The following AKAP6 variants were observed in gnomAD, a reference collection of about 807,000 sequenced individuals.
AKAP6 encodes the protein A-kinase anchor protein 6.
Under a neutral mutation model 188.5 loss-of-function variants are expected in AKAP6, and 58 were observed. The ratio of observed to expected loss-of-function variants is 0.31; its 90% CI spans 0.25 to 0.38. The LOEUF (loss-of-function observed/expected upper bound fraction) is 0.38, where lower values mean the gene tolerates loss of function less well. Ranked by LOEUF, AKAP6 falls within the 10% of genes least tolerant of loss-of-function variation. The pLI, the probability that AKAP6 is intolerant of heterozygous loss-of-function variation, is 1.00. For missense variants in AKAP6, 2,710 were observed against 2,740.0 expected (o/e 0.99, Z 0.24); for synonymous variants, 989 against 998.6 (o/e 0.99, Z 0.18).
chr14:32,811,740 C>T (rs117859278), intron 12 of AKAP6, among the ~76,000 whole-genome samples: 138 of 152,220 alleles, frequency 9.1e-4, no homozygotes, highest in Non-Finnish European at 1.7e-3. Flanking sequence ...GTAAAGGGCA[C>T]GGTTCCTAAA....
chr14:32,369,636 C>T (rs1887944984), intron 1 of AKAP6, among the ~76,000 whole-genome samples: 1 of 152,320 alleles, frequency 6.6e-6, no homozygotes, highest in African/African-American at 2.4e-5. Flanking sequence ...ATCTTTTCCT[C>T]AACAGGTGAG....
chr14:32,502,147 A>G (rs1880638545), intron 2 of AKAP6, among the ~76,000 whole-genome samples: 1 of 152,156 alleles, frequency 6.6e-6, no homozygotes, highest in African/African-American at 2.4e-5. Flanking sequence ...TGTTCAATTG[A>G]AGTTTTTAGC....
intron 12 of AKAP6, among the ~76,000 whole-genome samples, chr14:32,806,086 G>A (rs562821488): frequency 5.8e-4 from 89 of 152,278 alleles, no homozygotes; most frequent in Admixed American, 2.7e-3. Context: ...TCCATGGATT[G>A]AAAGGAACTG....
intron 2 of AKAP6, among the ~76,000 whole-genome samples, chr14:32,491,682 C>T (rs1566536435): frequency 6.6e-6 from 1 of 152,148 alleles, no homozygotes; most frequent in Non-Finnish European, 1.5e-5. Flanking sequence ...AGAATATTTC[C>T]AACTCCAGTG....
intron 1 of AKAP6, among the ~76,000 whole-genome samples, chr14:32,410,551 C>CA (rs2138645992): frequency 6.6e-6 from 1 of 152,266 alleles, no homozygotes; most frequent in East Asian, 1.9e-4. Context: ...AGGGCTGTGT[C>CA]ACAGGCCATG....
chr14:32,692,112 A>G (rs984386431), intron 8 of AKAP6, among the ~76,000 whole-genome samples: 1 of 152,244 alleles, frequency 6.6e-6, no homozygotes, highest in African/African-American at 2.4e-5. Context: ...TCAAGTCTAA[A>G]TATTCTCAGC....
chr14:32,608,145 A>G (rs180886296), intron 7 of AKAP6, among the ~76,000 whole-genome samples: 2 of 152,262 alleles, frequency 1.3e-5, no homozygotes, highest in East Asian at 1.9e-4. Context: ...ACTGAAAAAA[A>G]TGGTTGGGAA....
intron 5 of AKAP6, 25 bp from the exon 6 acceptor site, chr14:32,599,385 T>G: frequency 1.3e-6 from 2 of 1,594,930 alleles, no homozygotes; most frequent in Non-Finnish European, 1.7e-6. Context: ...TTGCCAGGGT[T>G]TAATGTTCAT....
At chr14:32,799,228 T>G (rs1469816489) in intron 12 of AKAP6, among the ~76,000 whole-genome samples, 2 of 152,192 alleles carry the variant, frequency 1.3e-5, no homozygotes, top group East Asian at 3.9e-4. Context: ...CTAAACCAGT[T>G]GAATTATTCT....
intron 11 of AKAP6, among the ~76,000 whole-genome samples, chr14:32,753,476 T>C (rs1167321580): frequency 6.6e-6 from 1 of 152,194 alleles, no homozygotes; most frequent in African/African-American, 2.4e-5. Context: ...GTAGGTTGTC[T>C]TTTCACTCTG....
chr14:32,412,151 A>AC (rs1339871716), intron 1 of AKAP6, among the ~76,000 whole-genome samples: 5 of 152,052 alleles, frequency 3.3e-5, no homozygotes, highest in African/African-American at 1.2e-4. Context: ...ACTATTTCAC[A>AC]CCCTCTTATT....
At chr14:32,559,387 A>G (rs1883830570) in intron 4 of AKAP6, among the ~76,000 whole-genome samples, 1 of 152,230 alleles carries the variant, frequency 6.6e-6, no homozygotes, top group African/African-American at 2.4e-5. Flanking sequence ...AAAAGAAGGA[A>G]GAAATCTGGG....
intron 1 of AKAP6, among the ~76,000 whole-genome samples, chr14:32,338,492 A>G (rs1311640849): frequency 6.6e-6 from 1 of 152,138 alleles, no homozygotes; most frequent in Non-Finnish European, 1.5e-5. Flanking sequence ...TTATACATAT[A>G]TATATATAGA....
At chr14:32,452,388 A>G (rs971915364) in intron 2 of AKAP6, among the ~76,000 whole-genome samples, 1 of 152,160 alleles carries the variant, frequency 6.6e-6, no homozygotes, top group African/African-American at 2.4e-5. Context: ...GTGTTTTAAT[A>G]TATTTTCCTA....
intron 7 of AKAP6, among the ~76,000 whole-genome samples, chr14:32,666,995 T>C (rs1188215860): frequency 6.6e-6 from 1 of 152,104 alleles, no homozygotes; most frequent in African/African-American, 2.4e-5. Flanking sequence ...GTGAAGTCTT[T>C]TTATTGTGAT....
At chr14:32,579,639 G>T (rs1352897141) in intron 5 of AKAP6, among the ~76,000 whole-genome samples, 1 of 152,136 alleles carries the variant, frequency 6.6e-6, no homozygotes, top group Non-Finnish European at 1.5e-5. Context: ...TTTAGATACA[G>T]CCTGTGGCTC....
At chr14:32,633,455 T>G (rs1297171690) in intron 7 of AKAP6, among the ~76,000 whole-genome samples, 1 of 152,062 alleles carries the variant, frequency 6.6e-6, no homozygotes, top group Non-Finnish European at 1.5e-5. Flanking sequence ...TATACACCCC[T>G]GTCTATTACC....
At chr14:32,347,759 G>T (rs1340894641) in intron 1 of AKAP6, among the ~76,000 whole-genome samples, 1 of 152,140 alleles carries the variant, frequency 6.6e-6, no homozygotes, top group Non-Finnish European at 1.5e-5. Flanking sequence ...AGGCACTCTG[G>T]CCCTTGGCCA....
chr14:32,450,530 A>C (rs1167901727), intron 2 of AKAP6, among the ~76,000 whole-genome samples: 10 of 152,226 alleles, frequency 6.6e-5, no homozygotes. Flanking sequence ...GATAAAAATA[A>C]GTTTGACTCT....
Sources: gnomAD v4.1 joint callset for allele counts (sites outside exome capture counted in the v4.1 genomes callset) on GRCh38, gnomAD v4.1.1 for gene constraint, MANE v1.5 for transcripts, NCBI Gene and HGNC (gene_info 2026-07-23, HGNC 2026-07-21) for gene names.